Variants in OTOGL observed in about 807,000 individuals in gnomAD.
The protein encoded by OTOGL is otogelin like, also known as otogelin-like protein.
OTOGL carries 285 observed loss-of-function variants against 318.5 expected under a neutral mutation model. That is an observed-to-expected ratio of 0.89 (90% CI 0.81 to 0.99). The LOEUF is 0.99. OTOGL is among the 50% of genes least tolerant of loss of function. OTOGL has a pLI of 0.00. For synonymous variants in OTOGL, 987 were observed against 936.5 expected (o/e 1.05, Z -0.99); for missense variants, 2,899 against 2,845.6 (o/e 1.02, Z -0.43).
At chr12:80,332,835 C>T (rs1396842294) in intron 37 of OTOGL, among the ~76,000 whole-genome samples, 170 bp from the exon 38 acceptor site, 1 of 152,152 alleles carries the variant, frequency 6.6e-6, no homozygotes, top group Admixed American at 6.5e-5. Flanking sequence ...AGCTTAGTTT[C>T]CTCATCTTCT....
In OTOGL at chr12:80,305,566, C is replaced by G. The variant is rs1189416027; in HGVS notation, c.3214-10C>G. 2.6e-6 allele frequency: 4 copies of G among 1,513,828 alleles called. No homozygotes were observed. The highest frequency in any genetic ancestry group is 3.5e-6 in the Non-Finnish European group (4 of 1,141,530). The allele number at this position is 1,513,828 out of a possible 1,614,324, so 93.8% of individuals were successfully genotyped here. ...ACAGAATATTTCCTGGTGATTTTCT[C>G]TTACTTTAGAACAAGCTATCAGGAT... is the stretch of plus-strand genomic sequence containing the variant. On this transcript the variant is annotated splice_polypyrimidine_tract_variant and intron_variant, in intron 28 of 58. Transcript: ENST00000547103.
Position 80,212,300 on chromosome 12 carries a change from A to C in OTOGL, c.168+303A>C, listed in dbSNP as rs536590584. On this transcript the variant is annotated intron_variant, in intron 4 of 58. Transcript: ENST00000547103. Reference sequence around the variant, plus strand: ...CTTGCCAGAAAATTAGAAGTAGTTTAAAAATTAAGCACAATATCAGTTAGG... The same window carrying C: ...CTTGCCAGAAAATTAGAAGTAGTTTCAAAATTAAGCACAATATCAGTTAGG... Among the ~76,000 whole-genome samples, 11 of 152,174 alleles carry C rather than the reference A, an allele frequency of 7.2e-5. 1 individual carries two copies. The highest frequency in any genetic ancestry group is 5.9e-5 in the Non-Finnish European group (4 of 68,034).
intron 26 of OTOGL, among the ~76,000 whole-genome samples, chr12:80,292,798 C>A (rs1332414419): frequency 6.6e-6 from 1 of 152,074 alleles, no homozygotes; most frequent in Non-Finnish European, 1.5e-5. Context: ...AATTTTGGAA[C>A]ATATATTAAT....
chr12:80,358,889 AC>A lies in OTOGL; in HGVS notation c.6257del (p.Thr2086IlefsTer10), dbSNP rs1247208796. On this transcript the variant is annotated frameshift_variant, in exon 52 of 59. Transcript: ENST00000547103. LOFTEE classifies it high-confidence loss of function. ...ECNCENLIMP[T>X]CEVGEFTAID... ...TAACTGTGAAAACCTTATTATGCCAACTTGTGAAGTGGTAAGAACACATATT... is the reference window on the plus strand; with the variant it reads ...TAACTGTGAAAACCTTATTATGCCAATTGTGAAGTGGTAAGAACACATATT... 1.3e-6 allele frequency: 2 copies of A among 1,497,314 alleles called. No individual in the cohort carries two copies. The highest frequency in any genetic ancestry group is 2.8e-5 in the African/African-American group (2 of 71,930). 92.8% of individuals were successfully genotyped at this position (1,497,314 alleles called of 1,614,324 possible).
intron 9 of OTOGL, among the ~76,000 whole-genome samples, chr12:80,233,498 A>G (rs571695671): frequency 6.6e-6 from 1 of 152,330 alleles, no homozygotes; most frequent in Non-Finnish European, 1.5e-5. Flanking sequence ...GTCAAAAACT[A>G]TTTTTGTATC....
intron 57 of OTOGL, among the ~76,000 whole-genome samples, chr12:80,374,722 T>C (rs987046257): frequency 1.3e-5 from 2 of 152,004 alleles, no homozygotes; most frequent in East Asian, 3.9e-4. Context: ...CACATGGCAA[T>C]GTTAAGGCCC....
intron 1 of OTOGL, among the ~76,000 whole-genome samples, chr12:80,177,983 G>A (rs1874639160): frequency 6.7e-6 from 1 of 148,970 alleles, no homozygotes. Flanking sequence ...CCTTATATGA[G>A]TTTTGGAGAT....
At chr12:80,122,583 TACTG>T (rs1378149527) in intron 1 of OTOGL, among the ~76,000 whole-genome samples, 7 of 152,186 alleles carry the variant, frequency 4.6e-5, no homozygotes, top group African/African-American at 1.4e-4. Context: ...TCATAGTCTT[TACTG>T]ACTATGTTTA....
chr12:80,306,252 T>C (rs1325250901), intron 29 of OTOGL, among the ~76,000 whole-genome samples: 2 of 152,200 alleles, frequency 1.3e-5, no homozygotes, highest in Non-Finnish European at 1.5e-5. Context: ...ATTATAAGCC[T>C]ATAAAGAAGG....
chr12:80,213,521 G>A (rs1031331542), intron 4 of OTOGL, among the ~76,000 whole-genome samples: 16 of 152,302 alleles, frequency 1.1e-4, no homozygotes, highest in African/African-American at 3.8e-4. Context: ...CCTATTCAAG[G>A]TGGAACCACT....
intron 38 of OTOGL, among the ~76,000 whole-genome samples, chr12:80,334,834 T>C (rs555753568): frequency 6.6e-6 from 1 of 152,100 alleles, no homozygotes; most frequent in Non-Finnish European, 1.5e-5. Flanking sequence ...GTGGTTCAGA[T>C]GTCTGTGAGG....
At chr12:80,351,010 T>C (rs1185261337) in intron 44 of OTOGL, among the ~76,000 whole-genome samples, 1 of 152,182 alleles carries the variant, frequency 6.6e-6, no homozygotes, top group African/African-American at 2.4e-5. Context: ...TCCTCTGTTT[T>C]TGTCTAGTGG....
intron 26 of OTOGL, among the ~76,000 whole-genome samples, chr12:80,295,467 G>A (rs1048440637): frequency 9.2e-5 from 14 of 152,242 alleles, no homozygotes; most frequent in African/African-American, 1.7e-4. Context: ...GTGAGCCACC[G>A]CGTCTGGCCT....
rs111630037 is a variant in OTOGL at position 80,130,276 on chromosome 12, TAGAC to T, written c.-20+30677_-20+30680del. On this transcript the variant is annotated intron_variant, in intron 1 of 58. Coordinates refer to ENST00000547103, the MANE Select transcript of OTOGL (RefSeq NM_001378609.3). ...TTCTGATAATATATTTCCCCTAAATTAGACAGACAAATTGTTCCAGCAAAGATGC... is the reference window on the plus strand; with the variant it reads ...TTCTGATAATATATTTCCCCTAAATTAGACAAATTGTTCCAGCAAAGATGC... Among the ~76,000 whole-genome samples the T allele has an allele frequency of 3.0e-3, 462 of 152,308 alleles. 4 individuals are homozygous for T. Among genetic ancestry groups the T allele is most frequent in the African/African-American group, 0.01 (425 of 41,564 alleles).
intron 1 of OTOGL, among the ~76,000 whole-genome samples, chr12:80,161,035 G>A (rs1218709421): frequency 2.0e-5 from 3 of 152,050 alleles, no homozygotes; most frequent in African/African-American, 7.2e-5. Flanking sequence ...AAGCTATGAA[G>A]ATTCAAAGGC....
At chr12:80,332,688 G>A (rs1221035514) in intron 37 of OTOGL, among the ~76,000 whole-genome samples, 1 of 152,060 alleles carries the variant, frequency 6.6e-6, no homozygotes, top group Admixed American at 6.5e-5. Context: ...TTTTTTACCT[G>A]TTCACGCAAT....
intron 46 of OTOGL, 143 bp from the exon 47 acceptor site, chr12:80,355,592 GA>G (rs1464850521): frequency 1.3e-5 from 8 of 639,526 alleles, no homozygotes; most frequent in African/African-American, 1.1e-4. Flanking sequence ...TAGTGGTGAT[GA>G]AAGAGAAATC....
intron 52 of OTOGL, among the ~76,000 whole-genome samples, chr12:80,362,801 T>C (rs1890312420): frequency 6.6e-6 from 1 of 152,054 alleles, no homozygotes; most frequent in Non-Finnish European, 1.5e-5. Context: ...CAGGGGCTAA[T>C]AGAAACGGAA....
chr12:80,211,919 A>T (rs946007389), intron 3 of OTOGL, 30 bp from the exon 4 acceptor site: 6 of 1,537,106 alleles, frequency 3.9e-6, no homozygotes, highest in Admixed American at 1.9e-5. Context: ...GGGGCCTTTG[A>T]CTGTACAAGT....
Sources: gnomAD v4.1 joint callset for allele counts (sites outside exome capture counted in the v4.1 genomes callset) on GRCh38, gnomAD v4.1.1 for gene constraint, MANE v1.5 for transcripts, NCBI Gene and HGNC (gene_info 2026-07-23, HGNC 2026-07-21) for gene names.